The following ADCYAP1 variants were observed in gnomAD, a reference collection of about 807,000 sequenced individuals.
ADCYAP1 encodes the protein pituitary adenylate cyclase-activating polypeptide.
In ADCYAP1, 6 loss-of-function variants were observed where a neutral mutation model predicts 18.5. The ratio of observed to expected loss-of-function variants is 0.32; its 90% CI spans 0.18 to 0.64. The LOEUF is 0.64. ADCYAP1 is among the 30% of genes least tolerant of loss of function. The probability of loss-of-function intolerance (pLI) is 0.77; values close to 1 mark genes in which losing one functional copy is unlikely to be tolerated. For synonymous variants in ADCYAP1, 136 were observed against 113.9 expected, an observed-to-expected ratio of 1.19 and a Z score of -1.24; for missense variants, 314 against 253.6, an observed-to-expected ratio of 1.24 and a Z score of -1.62.
At chr18:905,212 C>G (rs1393741303) in intron 1 of ADCYAP1, 152 bp downstream of exon 1, 140 of 1,436,542 alleles carry the variant, frequency 9.7e-5, no homozygotes, top group Non-Finnish European at 1.2e-4. Flanking sequence ...TTTTTTCTAA[C>G]TATAGCAAGC....
intron 1 of ADCYAP1, 136 bp from the exon 2 acceptor site, chr18:905,250 T>C (rs1909118018): frequency 2.0e-6 from 3 of 1,484,232 alleles, no homozygotes; most frequent in East Asian, 4.7e-5. Context: ...GCACCGGCTG[T>C]CGCCAAGTGC....
chr18:905,776 A>C, intron 2 of ADCYAP1: 2 of 486,316 alleles, frequency 4.1e-6, no homozygotes, highest in Non-Finnish European at 3.7e-6. Flanking sequence ...CCCCTCCCCC[A>C]ACCCGGCCCA....
At chr18:904,858 C>T, upstream of ADCYAP1, 1 of 1,286,934 alleles carries the variant, frequency 7.8e-7, no homozygotes, top group Non-Finnish European at 1.0e-6. Context: ...TGCGCGTCTA[C>T]AAACTTTTGA....
In ADCYAP1 at chr18:909,717, C is replaced by A. The variant is rs1016852159; in HGVS notation, c.*82C>A. Reference sequence around the variant, plus strand: ...CCAAACTGACTCAACAGTCATCGCTCGTGTGTTCTATCCAAACATGTATTT... The same window carrying A: ...CCAAACTGACTCAACAGTCATCGCTAGTGTGTTCTATCCAAACATGTATTT... On this transcript the variant is annotated 3_prime_UTR_variant, in exon 5 of 5. Transcript: ENST00000450565. The A allele has an allele frequency of 1.8e-5, 23 of 1,267,422 alleles. No homozygotes were observed. Among genetic ancestry groups the A allele is most frequent in the South Asian group, 4.4e-5 (3 of 68,692 alleles). 78.5% of individuals were successfully genotyped at this position (1,267,422 alleles called of 1,614,324 possible). A position where few individuals can be genotyped will look rare whatever the true frequency, so the allele number is the denominator to read the frequency against.
rs779756298 is a variant in ADCYAP1 at position 907,801 on chromosome 18, C to T, written c.242+11C>T. The T allele has an allele frequency of 1.8e-5, 26 of 1,421,202 alleles. No homozygotes were observed. Among genetic ancestry groups the T allele is most frequent in the Non-Finnish European group, 2.2e-5 (24 of 1,102,856 alleles). The allele number at this position is 1,421,202 out of a possible 1,614,324, so 88.0% of individuals were successfully genotyped here. A position where few individuals can be genotyped will look rare whatever the true frequency, so the allele number is the denominator to read the frequency against. ...CCCGGCCGGGAGAAGGTGAGATTCG[C>T]GCGGCCTCGCGCACACCCGCGGCTG... On this transcript the variant is annotated intron_variant, in intron 3 of 4. Coordinates refer to ENST00000450565, the MANE Select transcript of ADCYAP1 (RefSeq NM_001099733.2).
upstream of ADCYAP1, chr18:904,763 G>C (rs1187651736): frequency 3.2e-6 from 4 of 1,265,716 alleles, no homozygotes; most frequent in Non-Finnish European, 3.1e-6. Flanking sequence ...TTGCTCCTCC[G>C]CGCTTCACCT....
intron 3 of ADCYAP1, 175 bp downstream of exon 3, chr18:907,965 G>T (rs1909241414): frequency 1.6e-6 from 2 of 1,255,464 alleles, no homozygotes; most frequent in African/African-American, 1.6e-5. Context: ...CAGCGGGCGG[G>T]TCTGTGTGGA....
chr18:908,987 G>A (rs1387111180), intron 4 of ADCYAP1, among the ~76,000 whole-genome samples: 1 of 152,184 alleles, frequency 6.6e-6, no homozygotes, highest in Admixed American at 6.5e-5. Context: ...AGGGAGAGGA[G>A]TGTTCATATT....
intron 4 of ADCYAP1, 130 bp downstream of exon 4, chr18:908,493 C>A: frequency 1.6e-6 from 1 of 631,424 alleles, no homozygotes; most frequent in Non-Finnish European, 2.6e-6. Flanking sequence ...GGGTGGGCAT[C>A]CGCCACGGGT....
At position 907,716 on chromosome 18, in the gene ADCYAP1, G is replaced by C. The variant is rs1160337598; in HGVS notation, c.168G>C (p.Ser56=). 1 of 1,541,686 alleles carries C rather than the reference G, an allele frequency of 6.5e-7. No homozygotes were observed. The highest frequency in any genetic ancestry group is 8.7e-7 in the Non-Finnish European group (1 of 1,151,276). Residue 56 remains serine, a synonymous_variant, in exon 3 of 5, where the codon TCG becomes TCC. Coordinates refer to ENST00000450565, the MANE Select transcript of ADCYAP1 (RefSeq NM_001099733.2). ...ACCCGCTGCCAGACTTCGATGGCTC[G>C]GAGCCGCCGGGCGCAGGGAGCCCCG... The part of the protein sequence containing the change: ...DGNPLPDFDG[S]EPPGAGSPAS...
At position 905,450 on chromosome 18, in the gene ADCYAP1, G is replaced by A. The variant is rs748742011; in HGVS notation, c.64G>A (p.Val22Ile). ...LVYGIIMHSS[V>I]YSSPAAAGLR... ...CTATGGGATAATCATGCACAGCAGC[G>A]TCTACAGCTCACCTGCCGCCGCCGG... Residue 22 changes from valine to isoleucine, a missense_variant, in exon 2 of 5, where the codon GTC becomes ATC. Physicochemically the swap from Val to Ile is conservative, Grantham distance 29. Coordinates refer to ENST00000450565, the MANE Select transcript of ADCYAP1 (RefSeq NM_001099733.2). 8 of 1,611,792 alleles carry A rather than the reference G, an allele frequency of 5.0e-6. No homozygotes were observed. The highest frequency in any genetic ancestry group is 4.5e-5 in the East Asian group (2 of 44,880).
At chr18:907,824 C>T in intron 3 of ADCYAP1, 34 bp downstream of exon 3, 1 of 1,418,180 alleles carries the variant, frequency 7.1e-7, no homozygotes, top group Non-Finnish European at 9.1e-7. Context: ...ACACCCGCGG[C>T]TGGGAGCTCG....
intron 2 of ADCYAP1, chr18:906,528 GCAATA>G (rs1214922567): frequency 6.6e-6 from 1 of 152,490 alleles, no homozygotes; most frequent in Non-Finnish European, 1.5e-5. Context: ...TCGAGGCAGG[GCAATA>G]TCCAGAAAGA....
At chr18:908,156 T>C in intron 3 of ADCYAP1, 109 bp from the exon 4 acceptor site, 1 of 966,978 alleles carries the variant, frequency 1.0e-6, no homozygotes, top group Non-Finnish European at 1.6e-6. Context: ...GAGGTTTCCC[T>C]GTCAGCCTCC....
chr18:905,046 G>A lies in ADCYAP1; in HGVS notation c.-16G>A, dbSNP rs1404912157. On this transcript the variant is annotated 5_prime_UTR_variant, in exon 1 of 5. Transcript: ENST00000450565. ...CCTACCTGGCAGCTCTCCTGGCAGC[G>A]GGAGGAGTTGAAGGGTAAGGGAGGG... 3.1e-6 allele frequency: 4 copies of A among 1,297,726 alleles called. No homozygotes were observed. The highest frequency in any genetic ancestry group is 2.4e-5 in the Admixed American group (1 of 42,306). The allele number at this position is 1,297,726 out of a possible 1,614,324, so 80.4% of individuals were successfully genotyped here.
chr18:904,836 C>A, upstream of ADCYAP1: 8 of 1,286,132 alleles, frequency 6.2e-6, no homozygotes, highest in Non-Finnish European at 8.1e-6. Context: ...GTGTCACGCT[C>A]CCTCCTGGTT....
intron 1 of ADCYAP1, 80 bp downstream of exon 1, chr18:905,140 T>C (rs1909112322): frequency 2.9e-6 from 4 of 1,385,668 alleles, no homozygotes; most frequent in Admixed American, 5.9e-5. Context: ...TCAGGGGAGT[T>C]AGCTTTCCTT....
At chr18:909,089 G>T (rs1225537123) in intron 4 of ADCYAP1, among the ~76,000 whole-genome samples, 1 of 152,202 alleles carries the variant, frequency 6.6e-6, no homozygotes, top group African/African-American at 2.4e-5. Flanking sequence ...GTATGTCGCG[G>T]GTGAGAGGAA....
Position 905,469 on chromosome 18 carries a change from C to T in ADCYAP1, c.83C>T (p.Ala28Val), listed in dbSNP as rs916823015. Reference sequence around the variant, plus strand: ...AGCAGCGTCTACAGCTCACCTGCCGCCGCCGGACTCCGGTTCCCCGGGATC... The same window carrying T: ...AGCAGCGTCTACAGCTCACCTGCCGTCGCCGGACTCCGGTTCCCCGGGATC... ...MHSSVYSSPA[A>V]AGLRFPGIRP... The change falls in exon 2 of 5, where the codon GCC becomes GTC. Residue 28 changes from alanine to valine, a missense_variant. By Grantham distance (64) the Ala-to-Val change is moderately conservative. Coordinates refer to ENST00000450565, the MANE Select transcript of ADCYAP1 (RefSeq NM_001099733.2). The T allele has an allele frequency of 1.2e-6, 2 of 1,609,550 alleles. No individual in the cohort carries two copies. Among genetic ancestry groups the T allele is most frequent in the Non-Finnish European group, 1.7e-6 (2 of 1,180,008 alleles).
Sources: gnomAD v4.1 joint callset for allele counts (sites outside exome capture counted in the v4.1 genomes callset) on GRCh38, gnomAD v4.1.1 for gene constraint, MANE v1.5 for transcripts, NCBI Gene and HGNC (gene_info 2026-07-23, HGNC 2026-07-21) for gene names.